The following CBFA2T3 variants were observed in gnomAD, a reference collection of about 807,000 sequenced individuals.
CBFA2T3 encodes the protein CBFA2/RUNX1 partner transcriptional co-repressor 3.
A neutral mutation model predicts 58.6 loss-of-function variants in CBFA2T3; 31 were observed. That is an observed-to-expected ratio of 0.53 (90% confidence interval 0.40 to 0.71). The LOEUF (loss-of-function observed/expected upper bound fraction) is 0.71, where lower values mean the gene tolerates loss of function less well. CBFA2T3 is among the 30% of genes least tolerant of loss of function. CBFA2T3 has a pLI of 0.00. For missense variants in CBFA2T3, 1,076 were observed against 963.1 expected (o/e 1.12, Z -1.55); for synonymous variants, 531 against 421.9 (o/e 1.26, Z -3.17).
intron 1 of CBFA2T3, among the ~76,000 whole-genome samples, chr16:88,955,863 C>G (rs921648430): frequency 7.2e-6 from 1 of 138,952 alleles, no homozygotes; most frequent in African/African-American, 2.9e-5. Context: ...CCTGACCCCA[C>G]CCAAGGCTCC....
chr16:88,904,023 C>T (rs548002404), intron 1 of CBFA2T3, among the ~76,000 whole-genome samples: 2 of 152,342 alleles, frequency 1.3e-5, no homozygotes, highest in Admixed American at 1.3e-4. Context: ...AGAGGGTGGC[C>T]AGGAGACCGC....
chr16:88,885,900 GAGC>G lies in CBFA2T3; in HGVS notation c.893+58_893+60del. 7.0e-7 allele frequency: 1 copy of G among 1,424,808 alleles called. No individual in the cohort carries two copies. Among genetic ancestry groups the G allele is most frequent in the Non-Finnish European group, 9.6e-7 (1 of 1,043,052 alleles). 88.3% of individuals were successfully genotyped at this position (1,424,808 alleles called of 1,614,324 possible). Reference sequence around the variant, plus strand: ...GAGGTTCCCTCTCTTACCCAGAGGGGAGCAGGGTGAGCCGCGTGTCCACGGCAC... The same window carrying G: ...GAGGTTCCCTCTCTTACCCAGAGGGGAGGGTGAGCCGCGTGTCCACGGCAC... On this transcript the variant is annotated intron_variant, in intron 6 of 11. Coordinates refer to ENST00000268679, the MANE Select transcript of CBFA2T3 (RefSeq NM_005187.6). The surrounding 1 kb of genome is among the most constrained non-coding windows in gnomAD (Gnocchi z 5.3).
intron 5 of CBFA2T3, among the ~76,000 whole-genome samples, chr16:88,890,080 TTCC>T (rs1414642056): frequency 6.7e-6 from 1 of 149,260 alleles, no homozygotes; most frequent in Non-Finnish European, 1.5e-5. Flanking sequence ...TGCCCCGCGA[TTCC>T]TCCTCCTCCA....
chr16:88,961,586 G>A (rs1425133391), intron 1 of CBFA2T3, among the ~76,000 whole-genome samples: 7 of 119,958 alleles, frequency 5.8e-5, no homozygotes, highest in Non-Finnish European at 8.7e-5. Flanking sequence ...TCAGCACTGG[G>A]CATTCCCACT....
chr16:88,975,201 C>CCTCTGCTCCT (rs1972810118), intron 1 of CBFA2T3, among the ~76,000 whole-genome samples: 3 of 109,970 alleles, frequency 2.7e-5, no homozygotes, highest in Non-Finnish European at 5.6e-5. Flanking sequence ...TGTCAGAGGT[C>CCTCTGCTCCT]CACCCTGACC....
chr16:88,909,263 C>G (rs1213173561), intron 1 of CBFA2T3, among the ~76,000 whole-genome samples: 3 of 152,192 alleles, frequency 2.0e-5, no homozygotes, highest in African/African-American at 7.2e-5. Flanking sequence ...GGCTCTGGAC[C>G]CAGAACAGTG....
chr16:88,912,380 C>T (rs1970558858), intron 1 of CBFA2T3, among the ~76,000 whole-genome samples: 1 of 152,232 alleles, frequency 6.6e-6, no homozygotes. Flanking sequence ...CTCCGTCAGT[C>T]TTGGCCAGCC....
chr16:88,889,798 C>T (rs1440951691), intron 5 of CBFA2T3, among the ~76,000 whole-genome samples: 3 of 148,038 alleles, frequency 2.0e-5, no homozygotes, highest in Non-Finnish European at 4.5e-5. Flanking sequence ...CGCGATTCCT[C>T]CTCCTCCAGG....
In CBFA2T3 at chr16:88,975,557, C is replaced by T. The variant is rs116122895; in HGVS notation, c.151+1100G>A. Among the ~76,000 whole-genome samples the T allele has an allele frequency of 2.5e-3, 376 of 152,388 alleles. 2 individuals carry two copies. The highest frequency in any genetic ancestry group is 0.018 in the East Asian group (92 of 5,190). On this transcript the variant is annotated intron_variant, in intron 1 of 11. Coordinates refer to ENST00000268679, the MANE Select transcript of CBFA2T3 (RefSeq NM_005187.6). The stretch of plus-strand genomic sequence containing the variant: ...ATAGACAGGGCCGCTCCAGAGAGGA[C>T]GGGATGGCAGATGCCAGGGCCAGTG...
intron 3 of CBFA2T3, among the ~76,000 whole-genome samples, chr16:88,897,209 A>T (rs549810368): frequency 4.6e-5 from 7 of 152,260 alleles, no homozygotes; most frequent in Non-Finnish European, 1.0e-4. Context: ...GCCACTGTCC[A>T]GGAGCTGCAC....
At chr16:88,970,853 G>A (rs1972637830) in intron 1 of CBFA2T3, among the ~76,000 whole-genome samples, 1 of 152,238 alleles carries the variant, frequency 6.6e-6, no homozygotes, top group Non-Finnish European at 1.5e-5. Flanking sequence ...GGGGCCGGGG[G>A]ATGAGTAGTA....
intron 7 of CBFA2T3, 147 bp downstream of exon 7, chr16:88,884,899 G>T (rs759877445): frequency 2.4e-5 from 15 of 621,366 alleles, no homozygotes; most frequent in Non-Finnish European, 3.6e-5. Flanking sequence ...GCTCCAGGGG[G>T]AATGCCAGGC....
Position 88,928,095 on chromosome 16 carries a change from AC to A in CBFA2T3, c.152-26440del, listed in dbSNP as rs1971144916. Among the ~76,000 whole-genome samples the A allele has an allele frequency of 2.0e-5, 3 of 152,288 alleles. No homozygotes were observed. In the South Asian group the frequency reaches 6.2e-4, roughly 32 times the overall value. On this transcript the variant is annotated intron_variant, in intron 1 of 11. Coordinates refer to ENST00000268679, the MANE Select transcript of CBFA2T3 (RefSeq NM_005187.6). Reference sequence around the variant, plus strand: ...CAGCAGGGAAGGCCACCTGGCCGAGACCCTGGCCACCACGGGGCCATCACTG... The same window carrying A: ...CAGCAGGGAAGGCCACCTGGCCGAGACCTGGCCACCACGGGGCCATCACTG...
chr16:88,962,392 G>A (rs756028185), intron 1 of CBFA2T3, among the ~76,000 whole-genome samples: 4 of 152,348 alleles, frequency 2.6e-5, no homozygotes, highest in Admixed American at 1.3e-4. Flanking sequence ...AACCAGCCTC[G>A]AAGGTGAATG....
At chr16:88,946,779 C>T (rs539868300) in intron 1 of CBFA2T3, among the ~76,000 whole-genome samples, 2 of 151,912 alleles carry the variant, frequency 1.3e-5, no homozygotes, top group East Asian at 3.9e-4. Flanking sequence ...CTGCTTCTGG[C>T]TGAGTTTTTT....
chr16:88,915,937 A>T (rs1970704128), intron 1 of CBFA2T3, among the ~76,000 whole-genome samples: 1 of 151,756 alleles, frequency 6.6e-6, no homozygotes, highest in Non-Finnish European at 1.5e-5. Context: ...TGTGCGTGTG[A>T]GTGTGCATGC....
Position 88,885,939 on chromosome 16 carries a change from G to T in CBFA2T3, c.893+22C>A. The T allele has an allele frequency of 6.5e-7, 1 of 1,545,222 alleles. No individual in the cohort carries two copies. ...GCGTGTCCACGGCACCCCCAGCCCA[G>T]ATCCCCGGAGCCCACAGGTACCTGT... is the stretch of plus-strand genomic sequence containing the variant. On this transcript the variant is annotated intron_variant, in intron 6 of 11. Transcript: ENST00000268679. This position sits in a 1 kb window ranked among gnomAD's most constrained non-coding sequence, Gnocchi z 5.3.
At chr16:88,886,421 G>T (rs1321900329) in intron 5 of CBFA2T3, 2 of 346,706 alleles carry the variant, frequency 5.8e-6, no homozygotes, top group Non-Finnish European at 1.0e-5. Context: ...GGACTCCCAG[G>T]GTGGGGCTTT....
At chr16:88,911,681 A>T (rs901448936) in intron 1 of CBFA2T3, among the ~76,000 whole-genome samples, 1 of 152,270 alleles carries the variant, frequency 6.6e-6, no homozygotes, top group African/African-American at 2.4e-5. Flanking sequence ...AAGCGTCTAG[A>T]ACAGAGCGCC....
Sources: gnomAD v4.1 joint callset for allele counts (sites outside exome capture counted in the v4.1 genomes callset) on GRCh38, gnomAD v4.1.1 for gene constraint, Gnocchi (gnomAD v3.1) non-coding constraint, MANE v1.5 for transcripts, NCBI Gene and HGNC (gene_info 2026-07-23, HGNC 2026-07-21) for gene names.